The following CACNB2 variants were observed in gnomAD, a reference collection of about 807,000 sequenced individuals.
CACNB2 encodes the protein voltage-dependent L-type calcium channel subunit beta-2.
A neutral mutation model predicts 73.3 loss-of-function variants in CACNB2; 42 were observed. The observed-to-expected ratio is 0.57, with a 90% CI of 0.45 to 0.74. The LOEUF (loss-of-function observed/expected upper bound fraction) is 0.74, where lower values mean the gene tolerates loss of function less well. CACNB2 is among the 30% of genes least tolerant of loss of function. The pLI is 0.00. For missense variants in CACNB2, 940 were observed against 853.0 expected, an observed-to-expected ratio of 1.10 and a Z score of -1.27; for synonymous variants, 348 against 310.3, an observed-to-expected ratio of 1.12 and a Z score of -1.28.
intron 3 of CACNB2, among the ~76,000 whole-genome samples, chr10:18,431,087 A>G (rs2045867718): frequency 6.6e-6 from 1 of 151,962 alleles, no homozygotes; most frequent in African/African-American, 2.4e-5. Context: ...GGTTCAAGCA[A>G]TCCTCTCACC....
chr10:18,205,231 C>A (rs1320733842), intron 2 of CACNB2, among the ~76,000 whole-genome samples: 1 of 152,170 alleles, frequency 6.6e-6, no homozygotes, highest in Admixed American at 6.5e-5. Flanking sequence ...TAACTTACTA[C>A]CTCTGCACTA....
chr10:18,442,928 A>ATATATATATATG, intron 3 of CACNB2, among the ~76,000 whole-genome samples: 1 of 50,678 alleles, frequency 2.0e-5, no homozygotes, highest in East Asian at 1.6e-3. Flanking sequence ...ATATATATGT[A>ATATATATATATG]TATATATATA....
At chr10:18,149,411 G>A (rs572812287) in intron 1 of CACNB2, among the ~76,000 whole-genome samples, 1 of 152,174 alleles carries the variant, frequency 6.6e-6, no homozygotes, top group Non-Finnish European at 1.5e-5. Context: ...TAGCTTTCTT[G>A]CCGTTTATGA....
At chr10:18,198,812 A>G (rs1588680709) in intron 2 of CACNB2, among the ~76,000 whole-genome samples, 1 of 152,114 alleles carries the variant, frequency 6.6e-6, no homozygotes, top group South Asian at 2.1e-4. Flanking sequence ...TTCAAGATCC[A>G]CCTTCCATTC....
At chr10:18,465,685 T>C (rs1225343279) in intron 3 of CACNB2, among the ~76,000 whole-genome samples, 3 of 150,750 alleles carry the variant, frequency 2.0e-5, no homozygotes, top group Middle Eastern at 3.4e-3. Context: ...ACTTCTTCTT[T>C]TTTTTTTTTT....
chr10:18,349,416 TG>T (rs1310219109), intron 2 of CACNB2, among the ~76,000 whole-genome samples: 4 of 152,230 alleles, frequency 2.6e-5, no homozygotes, highest in Non-Finnish European at 5.9e-5. Flanking sequence ...GTCCAATTGT[TG>T]ATGCAGTATC....
At chr10:18,491,976 T>G (rs1461094543) in intron 3 of CACNB2, among the ~76,000 whole-genome samples, 1 of 152,118 alleles carries the variant, frequency 6.6e-6, no homozygotes. Context: ...AGAGATTTAA[T>G]TGGCTCACAG....
At chr10:18,387,758 CTCTT>C (rs1280010652) in intron 2 of CACNB2, among the ~76,000 whole-genome samples, 6 of 151,386 alleles carry the variant, frequency 4.0e-5, no homozygotes, top group African/African-American at 1.2e-4. Context: ...ATTTCTTTCT[CTCTT>C]TTTTTTTTTT....
chr10:18,383,958 G>A (rs745460100), intron 2 of CACNB2, among the ~76,000 whole-genome samples: 5 of 151,980 alleles, frequency 3.3e-5, no homozygotes, highest in South Asian at 2.1e-4. Context: ...TGCCCACCTC[G>A]GCCTCCCAAA....
intron 2 of CACNB2, among the ~76,000 whole-genome samples, chr10:18,209,647 A>AT (rs2035238147): frequency 6.6e-6 from 1 of 151,252 alleles, no homozygotes; most frequent in Non-Finnish European, 1.5e-5. Context: ...TTTTTTTTAT[A>AT]TGTAGCATAC....
intron 2 of CACNB2, among the ~76,000 whole-genome samples, chr10:18,322,960 T>TC (rs1746343381): frequency 1.2e-5 from 1 of 83,770 alleles, no homozygotes; most frequent in African/African-American, 3.7e-5. Context: ...GGTGATATTC[T>TC]TTTTTTTTTT....
chr10:18,180,024 T>C (rs2033794548), intron 2 of CACNB2, among the ~76,000 whole-genome samples: 1 of 152,226 alleles, frequency 6.6e-6, no homozygotes, highest in Admixed American at 6.5e-5. Flanking sequence ...CTGCTTCCTC[T>C]GCTGGCTGGA....
At chr10:18,355,130 G>A (rs574079370) in intron 2 of CACNB2, among the ~76,000 whole-genome samples, 6 of 152,108 alleles carry the variant, frequency 3.9e-5, no homozygotes, top group Admixed American at 2.6e-4. Flanking sequence ...CAAATATTCC[G>A]AAATCCAAAT....
intron 12 of CACNB2, 30 bp downstream of exon 12, chr10:18,536,226 A>T (rs750037103): frequency 3.4e-5 from 24 of 712,386 alleles, no homozygotes; most frequent in Non-Finnish European, 5.1e-5. Context: ...AGCATAATCC[A>T]GTTACAGAGA....
At chr10:18,437,543 A>T (rs7091507) in intron 3 of CACNB2, among the ~76,000 whole-genome samples, 1 of 152,236 alleles carries the variant, frequency 6.6e-6, no homozygotes, top group Non-Finnish European at 1.5e-5. Context: ...TTTTGTTGCC[A>T]GGCTGGAAAA....
At chr10:18,329,504 G>GAAAAAAAAA (rs11413915) in intron 2 of CACNB2, among the ~76,000 whole-genome samples, 280 of 111,782 alleles carry the variant, frequency 2.5e-3, no homozygotes, top group Non-Finnish European at 3.2e-3. Context: ...AGTAAAAAAA[G>GAAAAAAAAA]AAAAAAAAAA....
At chr10:18,166,745 C>A (rs942772707) in intron 2 of CACNB2, among the ~76,000 whole-genome samples, 1 of 151,846 alleles carries the variant, frequency 6.6e-6, no homozygotes, top group Admixed American at 6.6e-5. Context: ...GGACTGTTGT[C>A]GGGTAGGGGG....
intron 2 of CACNB2, among the ~76,000 whole-genome samples, chr10:18,248,528 A>G (rs1349997545): frequency 2.0e-5 from 3 of 152,256 alleles, no homozygotes; most frequent in East Asian, 1.9e-4. Context: ...TAAATCCAAT[A>G]GGAAAAGAAA....
intron 2 of CACNB2, among the ~76,000 whole-genome samples, chr10:18,270,272 C>T (rs1005728302): frequency 5.3e-5 from 8 of 152,136 alleles, no homozygotes; most frequent in Non-Finnish European, 8.8e-5. Flanking sequence ...GAAGAAACTG[C>T]ACCCATTAAC....
Sources: allele counts gnomAD v4.1 joint callset (sites outside exome capture counted in the v4.1 genomes callset), GRCh38; gene constraint gnomAD v4.1.1; transcripts MANE v1.5; gene names NCBI Gene and HGNC (gene_info 2026-07-23, HGNC 2026-07-21).